The following CDH12 variants were observed in gnomAD, a reference collection of about 807,000 sequenced individuals.
The protein encoded by CDH12 is cadherin-12.
In CDH12, 41 loss-of-function variants were observed where a neutral mutation model predicts 74.1. The ratio of observed to expected loss-of-function variants is 0.55; its 90% CI spans 0.43 to 0.72. CDH12 has a LOEUF of 0.72. Among genes scored for constraint, CDH12 ranks in the 30% least tolerant of loss-of-function variants. The pLI, the probability that CDH12 is intolerant of heterozygous loss-of-function variation, is 0.00. For synonymous variants in CDH12, 399 were observed against 355.0 expected (o/e 1.12, Z -1.39); for missense variants, 945 against 977.2 (o/e 0.97, Z 0.44).
intron 2 of CDH12, among the ~76,000 whole-genome samples, chr5:22,416,120 G>A (rs1183084660): frequency 7.4e-6 from 1 of 135,378 alleles, no homozygotes; most frequent in Non-Finnish European, 1.5e-5. Context: ...TGTGGCCCAG[G>A]CGGGAGTGCA....
At chr5:21,781,639 G>A (rs1185745736) in intron 11 of CDH12, among the ~76,000 whole-genome samples, 1 of 151,704 alleles carries the variant, frequency 6.6e-6, no homozygotes, top group Non-Finnish European at 1.5e-5. Flanking sequence ...CAGGAGAATC[G>A]CTTGAACCCA....
intron 3 of CDH12, among the ~76,000 whole-genome samples, chr5:22,366,634 A>T (rs1741042694): frequency 6.6e-6 from 1 of 152,190 alleles, no homozygotes; most frequent in Non-Finnish European, 1.5e-5. Flanking sequence ...CTTTTTCATA[A>T]GTTGACAGAT....
chr5:22,204,162 G>GGTTTTTTTTTTTTT (rs1554020485), intron 4 of CDH12, among the ~76,000 whole-genome samples: 3 of 129,840 alleles, frequency 2.3e-5, no homozygotes, highest in Non-Finnish European at 3.4e-5. Flanking sequence ...TGTTTTGTTT[G>GGTTTTTTTTTTTTT]TTTTTTTTTT....
chr5:22,476,727 A>G (rs1275083023), intron 2 of CDH12, among the ~76,000 whole-genome samples: 1 of 152,226 alleles, frequency 6.6e-6, no homozygotes, highest in Non-Finnish European at 1.5e-5. Flanking sequence ...CTATAGATTT[A>G]TCTTGTAATT....
chr5:22,111,090 A>AT (rs1306720700), intron 4 of CDH12, among the ~76,000 whole-genome samples: 1 of 152,118 alleles, frequency 6.6e-6, no homozygotes, highest in East Asian at 1.9e-4. Context: ...ACTCAACTAT[A>AT]TTCCATGATC....
chr5:22,554,886 C>T (rs1038532327), intron 1 of CDH12, among the ~76,000 whole-genome samples: 1 of 152,080 alleles, frequency 6.6e-6, no homozygotes, highest in Non-Finnish European at 1.5e-5. Context: ...TTATTGTGAT[C>T]CACGTATTTG....
chr5:22,448,627 C>G (rs1744922064), intron 2 of CDH12, among the ~76,000 whole-genome samples: 1 of 151,848 alleles, frequency 6.6e-6, no homozygotes, highest in African/African-American at 2.4e-5. Flanking sequence ...CTATAAAGTT[C>G]CAGATATGGT....
At chr5:22,293,588 A>C (rs1306552306) in intron 3 of CDH12, among the ~76,000 whole-genome samples, 1 of 152,154 alleles carries the variant, frequency 6.6e-6, no homozygotes, top group Non-Finnish European at 1.5e-5. Flanking sequence ...CAATGGATGA[A>C]TGAATAAAGA....
intron 4 of CDH12, among the ~76,000 whole-genome samples, chr5:22,131,484 G>A (rs1486706481): frequency 2.0e-5 from 3 of 152,024 alleles, no homozygotes; most frequent in Non-Finnish European, 4.4e-5. Context: ...CATGCCTATC[G>A]AAAAATGCTC....
chr5:21,840,878 A>T (rs951122354), intron 8 of CDH12, among the ~76,000 whole-genome samples: 1 of 152,180 alleles, frequency 6.6e-6, no homozygotes, highest in African/African-American at 2.4e-5. Context: ...AAAGACTTAA[A>T]CGTTAGACCT....
intron 3 of CDH12, among the ~76,000 whole-genome samples, chr5:22,284,287 T>C (rs1209664889): frequency 6.6e-6 from 1 of 152,144 alleles, no homozygotes; most frequent in East Asian, 1.9e-4. Context: ...AAACTTAGGC[T>C]ATCACAGCAA....
intron 5 of CDH12, among the ~76,000 whole-genome samples, chr5:22,065,462 GGCTGAAAC>G (rs1171625918): frequency 2.6e-5 from 4 of 152,118 alleles, no homozygotes; most frequent in African/African-American, 9.7e-5. Flanking sequence ...TTGTTTGTTT[GGCTGAAAC>G]ATGGAGCCAA....
chr5:22,664,212 A>G (rs1201186256), intron 1 of CDH12, among the ~76,000 whole-genome samples: 8 of 152,206 alleles, frequency 5.3e-5, no homozygotes, highest in Non-Finnish European at 1.0e-4. Context: ...TAACAGAGAT[A>G]GCAATGTTGT....
rs536454676 is a variant in CDH12, at chr5:22,012,051, A to T, written c.232-36666T>A. On this transcript the variant is annotated intron_variant, in intron 5 of 14. Coordinates refer to ENST00000382254, the MANE Select transcript of CDH12 (RefSeq NM_004061.5). ...AATGGTTTAAATATTAATTGCATCC[A>T]AAATTTACATACTCTTATATAATTA... is the stretch of plus-strand genomic sequence containing the variant. Among the ~76,000 whole-genome samples, 10 of 152,222 alleles carry T rather than the reference A, an allele frequency of 6.6e-5. No homozygotes were observed. The South Asian group carries it at 1.4e-3, about 22-fold the overall frequency.
At chr5:21,954,702 G>A (rs958808625) in intron 6 of CDH12, among the ~76,000 whole-genome samples, 2 of 152,012 alleles carry the variant, frequency 1.3e-5, no homozygotes, top group African/African-American at 4.8e-5. Flanking sequence ...TCATCTGTCT[G>A]CTTTTTTATT....
rs1167576473 is a variant in CDH12 at position 21,802,191 on chromosome 5, A to G, written c.1232T>C (p.Leu411Pro). The G allele has an allele frequency of 6.2e-7, 1 of 1,613,818 alleles. No homozygotes were observed. ...CCTAACAGCACTGCTGCCTACATCC[A>G]GGTCTTGAGCAGTGACAGCGCCAAT... is the stretch of plus-strand genomic sequence containing the variant. ...TIIGAVTAQD[L>P]DVGSSAVRYF... The change falls in exon 10 of 15, where the codon CTG becomes CCG. Residue 411 changes from leucine to proline, a missense_variant. Physicochemically the swap from Leu to Pro is moderately conservative, Grantham distance 98 (BLOSUM62 -3). Coordinates refer to ENST00000382254, the MANE Select transcript of CDH12 (RefSeq NM_004061.5).
intron 5 of CDH12, among the ~76,000 whole-genome samples, chr5:21,990,864 A>G (rs1322828151): frequency 1.3e-5 from 2 of 151,806 alleles, no homozygotes; most frequent in African/African-American, 4.8e-5. Context: ...ATCTAACCCC[A>G]TGTGTCTTTG....
At chr5:22,135,397 G>A (rs1440887112) in intron 4 of CDH12, among the ~76,000 whole-genome samples, 1 of 151,826 alleles carries the variant, frequency 6.6e-6, no homozygotes, top group Non-Finnish European at 1.5e-5. Context: ...ATTTCAAGGT[G>A]AATACTGATC....
chr5:22,140,409 A>G (rs914640448), intron 4 of CDH12, among the ~76,000 whole-genome samples: 3 of 151,954 alleles, frequency 2.0e-5, no homozygotes, highest in African/African-American at 7.2e-5. Flanking sequence ...TTCAAACAAC[A>G]GAGAAATGTA....
Sources: gnomAD v4.1 joint callset for allele counts (sites outside exome capture counted in the v4.1 genomes callset) on GRCh38, gnomAD v4.1.1 for gene constraint, MANE v1.5 for transcripts, NCBI Gene and HGNC (gene_info 2026-07-23, HGNC 2026-07-21) for gene names.